Variants in HPGDS observed in about 807,000 individuals in gnomAD.
HPGDS encodes GST class-sigma.
In HPGDS, 26 loss-of-function variants were observed where a neutral mutation model predicts 23.1. The ratio of observed to expected loss-of-function variants is 1.13; its 90% CI spans 0.83 to 1.56. HPGDS has a LOEUF of 1.56. HPGDS is among the 40% of genes most tolerant of loss of function. HPGDS has a pLI of 0.00. For missense variants in HPGDS, 268 were observed against 236.4 expected (o/e 1.13, Z -0.88); for synonymous variants, 95 against 77.9 (o/e 1.22, Z -1.16).
chr4:94,316,978 T>C (rs1756409186), intron 3 of HPGDS, among the ~76,000 whole-genome samples: 1 of 152,274 alleles, frequency 6.6e-6, no homozygotes, highest in Non-Finnish European at 1.5e-5. Flanking sequence ...TTTCCATTTC[T>C]TCTAAACTTT....
intron 3 of HPGDS, among the ~76,000 whole-genome samples, chr4:94,317,192 G>A (rs539673039): frequency 6.6e-5 from 10 of 152,250 alleles, no homozygotes; most frequent in South Asian, 4.2e-4. Flanking sequence ...CAGATTGATT[G>A]AAAGAAACGA....
intron 2 of HPGDS, among the ~76,000 whole-genome samples, chr4:94,325,249 G>C (rs1346652499): frequency 6.6e-6 from 1 of 152,204 alleles, no homozygotes; most frequent in East Asian, 1.9e-4. Context: ...GGACCCAGTT[G>C]AGGAGGCACT....
Position 94,299,602 on chromosome 4 carries a change from G to A in HPGDS, c.478C>T (p.Leu160Phe). The A allele has an allele frequency of 6.2e-7, 1 of 1,614,124 alleles. No homozygotes were observed. Among genetic ancestry groups the A allele is most frequent in the Non-Finnish European group, 8.5e-7 (1 of 1,179,996 alleles). ...DFYWEICSTT[L>F]LVFKPDLLDN... The stretch of plus-strand genomic sequence containing the variant: ...AACAGGTCAGGCTTAAAGACCAAAA[G>A]TGTGGTACTGCAAATCTCCCAGTAG... Residue 160 changes from leucine to phenylalanine, a missense_variant, in exon 6 of 6, where the codon CTT becomes TTT. By Grantham distance (22) the Leu-to-Phe change is conservative. Transcript: ENST00000295256.
chr4:94,316,358 G>C lies in HPGDS; in HGVS notation c.226+1515C>G, dbSNP rs115515838. On this transcript the variant is annotated intron_variant, in intron 3 of 5. Transcript: ENST00000295256. ...TTCCACATGGCAACGTCTATCTACT[G>C]TCTCTAAGATGATTCTACATCCACA... Among the ~76,000 whole-genome samples, 1,257 of 147,906 alleles carry C rather than the reference G, an allele frequency of 8.5e-3. 8 individuals carry two copies. Among genetic ancestry groups the C allele is most frequent in the Middle Eastern group, 0.055 (16 of 290 alleles).
In HPGDS at chr4:94,299,596, C is replaced by A. The variant is rs747729913; in HGVS notation, c.484G>T (p.Val162Phe). 5 of 1,614,098 alleles carry A rather than the reference C, an allele frequency of 3.1e-6. No homozygotes were observed. Among genetic ancestry groups the A allele is most frequent in the Non-Finnish European group, 4.2e-6 (5 of 1,179,994 alleles). Reference protein sequence around the residue: ...YWEICSTTLLVFKPDLLDNHP... With the variant: ...YWEICSTTLLFFKPDLLDNHP... The stretch of plus-strand genomic sequence containing the variant: ...TTGTCTAACAGGTCAGGCTTAAAGA[C>A]CAAAAGTGTGGTACTGCAAATCTCC... The change falls in exon 6 of 6, where the codon GTC (valine) becomes TTC (phenylalanine). Residue 162 changes from valine to phenylalanine, a missense_variant. Transcript: ENST00000295256.
chr4:94,341,889 A>AG (rs570571505), intron 1 of HPGDS, among the ~76,000 whole-genome samples: 49 of 152,346 alleles, frequency 3.2e-4, no homozygotes, highest in Admixed American at 9.1e-4. Context: ...TATTGTTCAC[A>AG]GGGGAACTTC....
intron 5 of HPGDS, among the ~76,000 whole-genome samples, chr4:94,300,875 T>TG (rs1756027705): frequency 6.6e-6 from 1 of 152,026 alleles, no homozygotes. Flanking sequence ...TATAGGGAAA[T>TG]GCGTAAAGGC....
chr4:94,324,434 T>G (rs1003987256), intron 2 of HPGDS, among the ~76,000 whole-genome samples: 1 of 151,884 alleles, frequency 6.6e-6, no homozygotes, highest in Non-Finnish European at 1.5e-5. Context: ...TAGTCGCATG[T>G]TTCTTGGAGA....
At chr4:94,302,090 T>A (rs1340297353) in intron 5 of HPGDS, 56 bp downstream of exon 5, 1 of 1,308,324 alleles carries the variant, frequency 7.6e-7, no homozygotes, top group African/African-American at 1.5e-5. Flanking sequence ...TTTTTATACT[T>A]CTATTGGTTT....
chr4:94,339,853 A>T (rs896499867), intron 1 of HPGDS, among the ~76,000 whole-genome samples: 3 of 152,064 alleles, frequency 2.0e-5, no homozygotes, highest in African/African-American at 7.2e-5. Context: ...TACTGACTTC[A>T]TGGTAGTAAA....
Position 94,334,549 on chromosome 4 carries a change from T to A in HPGDS, c.81A>T (p.Ile27=). The change falls in exon 2 of 6, where the codon ATA becomes ATT. Residue 27 remains isoleucine, a synonymous_variant. Transcript: ENST00000295256. ...IIRYIFAYLD[I]QYEDHRIEQA... is the part of the protein sequence containing the mutation. ...GTTCTATTCTGTGGTCTTCATACTG[T>A]ATGTCCAAATAAGCAAATATGTAAC... The A allele has an allele frequency of 6.2e-7, 1 of 1,613,292 alleles. No homozygotes were observed. Among genetic ancestry groups the A allele is most frequent in the South Asian group, 1.1e-5 (1 of 91,004 alleles).
rs1383954423 is a variant in HPGDS, at chr4:94,299,474, G to T, written c.*6C>A. 2.5e-6 allele frequency: 4 copies of T among 1,603,956 alleles called. No individual in the cohort carries two copies. Among genetic ancestry groups the T allele is most frequent in the African/African-American group, 1.3e-5 (1 of 74,572 alleles). On this transcript the variant is annotated 3_prime_UTR_variant, in exon 6 of 6. Coordinates refer to ENST00000295256, the MANE Select transcript of HPGDS (RefSeq NM_014485.3). ...GAAAAACAAACTTGAAGGCAACATG[G>T]ATCAGCTAGAGTTTGGTTTGGGGCC...
chr4:94,317,766 C>G, intron 3 of HPGDS, 107 bp downstream of exon 3: 1 of 609,766 alleles, frequency 1.6e-6, no homozygotes, highest in South Asian at 2.5e-5. Context: ...TAATTCCATT[C>G]TTATTTGTAC....
At chr4:94,337,674 C>T (rs536401705) in intron 1 of HPGDS, among the ~76,000 whole-genome samples, 7 of 151,358 alleles carry the variant, frequency 4.6e-5, no homozygotes, top group Non-Finnish European at 8.8e-5. Flanking sequence ...GACTCCATCT[C>T]GAAAAAAGAA....
chr4:94,325,519 C>T (rs1362800912), intron 2 of HPGDS, among the ~76,000 whole-genome samples: 1 of 152,176 alleles, frequency 6.6e-6, no homozygotes, highest in African/African-American at 2.4e-5. Context: ...TAGGCTGCCG[C>T]CTTGCAGTTC....
chr4:94,300,428 A>G (rs1322439730), intron 5 of HPGDS, among the ~76,000 whole-genome samples: 1 of 152,118 alleles, frequency 6.6e-6, no homozygotes, highest in Non-Finnish European at 1.5e-5. Context: ...GCTCCATATG[A>G]TTATCAAAGA....
At chr4:94,314,372 C>T (rs894473054) in intron 3 of HPGDS, among the ~76,000 whole-genome samples, 3 of 152,224 alleles carry the variant, frequency 2.0e-5, no homozygotes, top group Non-Finnish European at 4.4e-5. Context: ...GGACCCTCAG[C>T]TGCAGGTCTG....
At chr4:94,330,046 G>T (rs944466504) in intron 2 of HPGDS, among the ~76,000 whole-genome samples, 2 of 152,174 alleles carry the variant, frequency 1.3e-5, no homozygotes, top group African/African-American at 4.8e-5. Flanking sequence ...TTCTCCATAG[G>T]TATCACACCT....
At chr4:94,312,084 A>C (rs1335612072) in intron 3 of HPGDS, among the ~76,000 whole-genome samples, 7 of 152,180 alleles carry the variant, frequency 4.6e-5, no homozygotes, top group African/African-American at 1.7e-4. Flanking sequence ...CTTTTCAAAA[A>C]ATAAGCTCCT....
Sources: gnomAD v4.1 joint callset for allele counts (sites outside exome capture counted in the v4.1 genomes callset) on GRCh38, gnomAD v4.1.1 for gene constraint, MANE v1.5 for transcripts, NCBI Gene and HGNC (gene_info 2026-07-23, HGNC 2026-07-21) for gene names.